The following DSCAM variants were observed in gnomAD, a reference collection of about 807,000 sequenced individuals.
DSCAM encodes cell adhesion molecule DSCAM.
A neutral mutation model predicts 217.7 loss-of-function variants in DSCAM; 47 were observed. That is an observed-to-expected ratio of 0.22 (90% CI 0.17 to 0.28). The LOEUF is 0.28. Among genes scored for constraint, DSCAM ranks in the 10% least tolerant of loss-of-function variants. DSCAM has a pLI of 1.00. For synonymous variants in DSCAM, 1,056 were observed against 1,015.3 expected (o/e 1.04, Z -0.76); for missense variants, 2,080 against 2,618.3 (o/e 0.79, Z 4.49).
chr21:40,482,684 G>C (rs1277971465), intron 3 of DSCAM, among the ~76,000 whole-genome samples: 1 of 152,088 alleles, frequency 6.6e-6, no homozygotes, highest in South Asian at 2.1e-4. Flanking sequence ...TGACAGCAGA[G>C]GGCAATAAAT....
chr21:40,071,057 C>T (rs377257712), intron 27 of DSCAM, among the ~76,000 whole-genome samples: 1 of 152,266 alleles, frequency 6.6e-6, no homozygotes, highest in East Asian at 1.9e-4. Context: ...GAAGCTTGTG[C>T]CTTCTTGCGT....
chr21:40,442,956 A>C (rs1422888504), intron 3 of DSCAM, among the ~76,000 whole-genome samples: 5 of 152,230 alleles, frequency 3.3e-5, no homozygotes, highest in Non-Finnish European at 7.3e-5. Flanking sequence ...ACATGAAACA[A>C]AAGCATACAA....
chr21:40,335,532 G>C (rs2074421485), intron 8 of DSCAM, among the ~76,000 whole-genome samples: 1 of 152,060 alleles, frequency 6.6e-6, no homozygotes, highest in Non-Finnish European at 1.5e-5. Context: ...GATTCAAAGG[G>C]CTTTCGTTTA....
chr21:40,068,158 A>C (rs2089238282), intron 27 of DSCAM, among the ~76,000 whole-genome samples: 1 of 152,314 alleles, frequency 6.6e-6, no homozygotes, highest in South Asian at 2.1e-4. Flanking sequence ...AGGAATTTCA[A>C]AAGACAACAT....
intron 4 of DSCAM, among the ~76,000 whole-genome samples, chr21:40,355,706 G>A (rs2074684375): frequency 6.6e-6 from 1 of 152,154 alleles, no homozygotes; most frequent in African/African-American, 2.4e-5. Flanking sequence ...CTTTGCCTCA[G>A]TGAGAAAAAT....
chr21:40,166,955 C>T lies in DSCAM; in HGVS notation c.3018+263G>A, dbSNP rs150080831. On this transcript the variant is annotated intron_variant, in intron 16 of 32. Coordinates refer to ENST00000400454, the MANE Select transcript of DSCAM (RefSeq NM_001389.5). ...ATCAATTTTACTATTTCTGTAGAGACCACTGCTTAGACCTTGATCAAGATT... is the reference window on the plus strand; with the variant it reads ...ATCAATTTTACTATTTCTGTAGAGATCACTGCTTAGACCTTGATCAAGATT... Among the ~76,000 whole-genome samples the T allele has an allele frequency of 1.9e-3, 283 of 149,808 alleles. No individual in the cohort carries two copies. The Middle Eastern group carries it at 0.027, about 15-fold the overall frequency.
rs935950453 is a variant in DSCAM, at chr21:40,202,043, A to G, written c.2357-12805T>C. On this transcript the variant is annotated intron_variant, in intron 11 of 32. Coordinates refer to ENST00000400454, the MANE Select transcript of DSCAM (RefSeq NM_001389.5). ...CTTCTACCTTCTACTTGGGTGCCCC[A>G]GTTCTCTCTCTTTCTGTCTGATCAC... Among the ~76,000 whole-genome samples, 8 of 152,112 alleles carry G rather than the reference A, an allele frequency of 5.3e-5. No homozygotes were observed. The East Asian group carries it at 1.5e-3, about 29-fold the overall frequency.
rs538905441 is a variant in DSCAM, at chr21:40,398,637, CTT to C, written c.509-29394_509-29393del. On this transcript the variant is annotated intron_variant, in intron 3 of 32. Transcript: ENST00000400454. ...AGTTTCTTTCCTTTCTTTTTTCTTT[CTT>C]TTTTTTTTTTTTTTGAGATGGAGTC... Among the ~76,000 whole-genome samples, 152 of 132,056 alleles carry C rather than the reference CTT, an allele frequency of 1.2e-3. 2 individuals carry two copies. The highest frequency in any genetic ancestry group is 3.7e-3 in the African/African-American group (134 of 36,042). 86.6% of individuals were successfully genotyped at this position (132,056 alleles called of 152,430 possible).
chr21:40,717,894 G>A (rs1244573878), intron 1 of DSCAM, among the ~76,000 whole-genome samples: 1 of 152,200 alleles, frequency 6.6e-6, no homozygotes, highest in Non-Finnish European at 1.5e-5. Context: ...GTTTGAGAAA[G>A]TAAACACTGA....
intron 3 of DSCAM, among the ~76,000 whole-genome samples, chr21:40,454,240 T>C (rs1452523070): frequency 2.0e-5 from 3 of 152,224 alleles, no homozygotes; most frequent in Admixed American, 6.5e-5. Context: ...GGCAGTATAA[T>C]GAAACAATGA....
At chr21:40,463,226 G>C (rs2075819594) in intron 3 of DSCAM, among the ~76,000 whole-genome samples, 1 of 151,080 alleles carries the variant, frequency 6.6e-6, no homozygotes. Flanking sequence ...TTGCAAGCAA[G>C]GAGTTATCTG....
intron 1 of DSCAM, among the ~76,000 whole-genome samples, chr21:40,833,849 G>A (rs1389890650): frequency 6.6e-6 from 1 of 152,100 alleles, no homozygotes; most frequent in African/African-American, 2.4e-5. Flanking sequence ...TTGGCACAAT[G>A]AAGATGTTGA....
chr21:40,239,592 A>T (rs2073121555), intron 11 of DSCAM, among the ~76,000 whole-genome samples: 1 of 152,208 alleles, frequency 6.6e-6, no homozygotes, highest in Non-Finnish European at 1.5e-5. Flanking sequence ...AAGTTTTTCT[A>T]TGCTGGGAAG....
At chr21:40,286,531 A>G (rs1403137988) in intron 10 of DSCAM, among the ~76,000 whole-genome samples, 1 of 152,202 alleles carries the variant, frequency 6.6e-6, no homozygotes, top group Non-Finnish European at 1.5e-5. Flanking sequence ...CGTGCTCCCT[A>G]TTGAGCTATT....
chr21:40,323,184 CCTT>C (rs1344965130), intron 8 of DSCAM, among the ~76,000 whole-genome samples: 9 of 152,192 alleles, frequency 5.9e-5, no homozygotes, highest in African/African-American at 1.9e-4. Context: ...TTCGCCCAGT[CCTT>C]CTTCCTGTCC....
chr21:40,404,879 T>C (rs981666954), intron 3 of DSCAM, among the ~76,000 whole-genome samples: 1 of 152,202 alleles, frequency 6.6e-6, no homozygotes, highest in Non-Finnish European at 1.5e-5. Flanking sequence ...ATGACTGATA[T>C]TCATGAGGTC....
chr21:40,215,470 C>A (rs2091234374), intron 11 of DSCAM, among the ~76,000 whole-genome samples: 1 of 118,868 alleles, frequency 8.4e-6, no homozygotes, highest in East Asian at 2.7e-4. Context: ...TGAAATGCAA[C>A]CCAGCCATAA....
intron 3 of DSCAM, among the ~76,000 whole-genome samples, chr21:40,661,863 T>C (rs1394464873): frequency 6.6e-6 from 1 of 152,214 alleles, no homozygotes; most frequent in African/African-American, 2.4e-5. Flanking sequence ...CCTGTTTCTT[T>C]GAGCAAAAGT....
chr21:40,289,511 T>C (rs1430729595), intron 10 of DSCAM, among the ~76,000 whole-genome samples: 1 of 152,228 alleles, frequency 6.6e-6, no homozygotes, highest in Admixed American at 6.5e-5. Flanking sequence ...TTCCATGGTT[T>C]AAGCTACCTG....
Sources: gnomAD v4.1 joint callset for allele counts (sites outside exome capture counted in the v4.1 genomes callset) on GRCh38, gnomAD v4.1.1 for gene constraint, MANE v1.5 for transcripts, NCBI Gene and HGNC (gene_info 2026-07-23, HGNC 2026-07-21) for gene names.